RANBP2: variants seen among roughly 807,000 people sequenced by gnomAD.
The protein encoded by RANBP2 is RAN binding protein 2.
RANBP2 carries 57 observed loss-of-function variants against 303.6 expected under a neutral mutation model. The ratio of observed to expected loss-of-function variants is 0.19; its 90% CI spans 0.15 to 0.23. The LOEUF (loss-of-function observed/expected upper bound fraction) is 0.23. Ranked by LOEUF, RANBP2 falls within the 10% of genes least tolerant of loss-of-function variation. The pLI, the probability that RANBP2 is intolerant of heterozygous loss-of-function variation, is 1.00. For synonymous variants in RANBP2, 1,167 were observed against 1,301.5 expected, an observed-to-expected ratio of 0.90 and a Z score of 2.23; for missense variants, 3,138 against 3,780.8, an observed-to-expected ratio of 0.83 and a Z score of 4.46.
At chr2:109,432,449 C>T in the RANBP2 span, 2 of 1,603,094 alleles carry the variant, frequency 1.2e-6, no homozygotes, top group Non-Finnish European at 1.7e-6. Flanking sequence ...CCGGCCGGTC[C>T]CCTATCCCCA....
chr2:108,809,246 G>T, the RANBP2 span, among the ~76,000 whole-genome samples: 1 of 152,158 alleles, frequency 6.6e-6, no homozygotes, highest in East Asian at 1.9e-4. Context: ...AGTTTAGGTA[G>T]TGTAATGCCT....
At chr2:109,634,119 C>CAAA in the RANBP2 span, among the ~76,000 whole-genome samples, 61 of 56,080 alleles carry the variant, frequency 1.1e-3, no homozygotes, top group East Asian at 1.4e-3. Flanking sequence ...GACTCTGTCT[C>CAAA]AAAAAAAAAA....
At chr2:109,194,310 C>T in the RANBP2 span, among the ~76,000 whole-genome samples, 1 of 152,228 alleles carries the variant, frequency 6.6e-6, no homozygotes, top group East Asian at 1.9e-4. Flanking sequence ...AGGGGACTTT[C>T]GAAAGCTTGG....
At chr2:108,828,942 C>A in the RANBP2 span, among the ~76,000 whole-genome samples, 2 of 152,104 alleles carry the variant, frequency 1.3e-5, no homozygotes, top group African/African-American at 2.4e-5. Context: ...CACGCCATTG[C>A]ACTCCAGCCC....
At chr2:109,695,592 G>A in the RANBP2 span, among the ~76,000 whole-genome samples, 3 of 152,266 alleles carry the variant, frequency 2.0e-5, no homozygotes, top group South Asian at 2.1e-4. Flanking sequence ...TGGGAAAATC[G>A]GGGTATCACC....
intron 21 of RANBP2, among the ~76,000 whole-genome samples, chr2:108,772,151 A>G (rs542924813): frequency 6.6e-6 from 1 of 152,324 alleles, no homozygotes; most frequent in South Asian, 2.1e-4. Context: ...GATGTGGAAG[A>G]GAGAGAGAAG....
chr2:109,669,637 C>T, the RANBP2 span, among the ~76,000 whole-genome samples: 1 of 152,202 alleles, frequency 6.6e-6, no homozygotes, highest in East Asian at 1.9e-4. Context: ...AGGCAATGTT[C>T]CTACATTCAT....
At chr2:109,546,257 C>A in the RANBP2 span, 1 of 1,506,112 alleles carries the variant, frequency 6.6e-7, no homozygotes, top group Non-Finnish European at 8.9e-7. Context: ...AAAGTGCAAT[C>A]CCCACTACTG....
At chr2:108,737,736 CAG>C (rs1695725084) in intron 6 of RANBP2, among the ~76,000 whole-genome samples, 1 of 126,122 alleles carries the variant, frequency 7.9e-6, no homozygotes, top group Admixed American at 8.1e-5. Context: ...TTTTTTGAGA[CAG>C]AGTCTCGCTC....
At chr2:108,837,795 TG>T in the RANBP2 span, among the ~76,000 whole-genome samples, 1 of 152,216 alleles carries the variant, frequency 6.6e-6, no homozygotes, top group Non-Finnish European at 1.5e-5. Flanking sequence ...ATTAAAAAGT[TG>T]GGGGGAGAAG....
At chr2:109,256,358 G>C in the RANBP2 span, among the ~76,000 whole-genome samples, 2 of 152,242 alleles carry the variant, frequency 1.3e-5, no homozygotes, top group Admixed American at 1.3e-4. Context: ...GGGCTTGTCA[G>C]TTGACAGTGT....
the RANBP2 span, among the ~76,000 whole-genome samples, chr2:109,359,944 T>C: frequency 1.3e-5 from 2 of 152,116 alleles, no homozygotes; most frequent in African/African-American, 4.8e-5. Context: ...TCTATGACCA[T>C]TGTTGATGAG....
At chr2:108,860,768 TTTG>T in the RANBP2 span, among the ~76,000 whole-genome samples, 2 of 151,788 alleles carry the variant, frequency 1.3e-5, no homozygotes, top group African/African-American at 2.4e-5. Context: ...GTTTTCTACT[TTTG>T]TTGTGTCTTT....
At chr2:109,648,573 C>G in the RANBP2 span, among the ~76,000 whole-genome samples, 1 of 151,956 alleles carries the variant, frequency 6.6e-6, no homozygotes, top group African/African-American at 2.4e-5. Context: ...GAATTCCTGA[C>G]CTCAGGTGAT....
chr2:109,360,023 A>G, the RANBP2 span, among the ~76,000 whole-genome samples: 1 of 150,776 alleles, frequency 6.6e-6, no homozygotes, highest in Non-Finnish European at 1.5e-5. Context: ...CAGAGGACCC[A>G]CTTACTGGTC....
the RANBP2 span, among the ~76,000 whole-genome samples, chr2:109,297,907 A>G: frequency 6.6e-6 from 1 of 151,364 alleles, no homozygotes; most frequent in Admixed American, 6.6e-5. Context: ...CAACCATGTC[A>G]ATGCTCCCCA....
the RANBP2 span, among the ~76,000 whole-genome samples, chr2:109,434,140 C>A: frequency 6.6e-6 from 1 of 152,238 alleles, no homozygotes; most frequent in African/African-American, 2.4e-5. Context: ...CAGGAAAGCA[C>A]AGGTCACCCC....
chr2:109,616,622 G>A, the RANBP2 span: 6 of 167,070 alleles, frequency 3.6e-5, no homozygotes, highest in African/African-American at 1.4e-4. Context: ...AGAATAATGT[G>A]AATAAAATGG....
At chr2:109,487,436 T>C in the RANBP2 span, among the ~76,000 whole-genome samples, 1 of 152,232 alleles carries the variant, frequency 6.6e-6, no homozygotes, top group African/African-American at 2.4e-5. Flanking sequence ...TGGTAATAAC[T>C]GATGCTTAAG....
Sources: allele counts gnomAD v4.1 joint callset (sites outside exome capture counted in the v4.1 genomes callset), GRCh38; gene constraint gnomAD v4.1.1; transcripts MANE v1.5; gene names NCBI Gene and HGNC (gene_info 2026-07-23, HGNC 2026-07-21).